Variants in COL5A1 observed in about 807,000 individuals in gnomAD.
COL5A1 encodes the protein collagen type V alpha 1 chain.
COL5A1 carries 16 observed loss-of-function variants against 263.7 expected under a neutral mutation model. The observed-to-expected ratio is 0.06, with a 90% CI of 0.04 to 0.09. The LOEUF is 0.09. COL5A1 is among the 10% of genes least tolerant of loss of function. The probability of loss-of-function intolerance (pLI) is 1.00; values close to 1 mark genes in which losing one functional copy is unlikely to be tolerated. For missense variants in COL5A1, 2,036 were observed against 2,540.5 expected, an observed-to-expected ratio of 0.80 and a Z score of 4.27; for synonymous variants, 1,012 against 1,004.5, an observed-to-expected ratio of 1.01 and a Z score of -0.14.
At position 134,820,228 on chromosome 9, in the gene COL5A1, G is replaced by A. The variant is rs375489070; in HGVS notation, c.4554+5G>A. ...TCCGGTCCTAAGGGAGAACAGGTGC[G>A]TGAGATGGCACTTCTTGCATGTGGG... On this transcript the variant is annotated splice_donor_5th_base_variant and intron_variant, in intron 58 of 65. Coordinates refer to ENST00000371817, the MANE Select transcript of COL5A1 (RefSeq NM_000093.5). The A allele has an allele frequency of 1.4e-5, 22 of 1,609,312 alleles. No homozygotes were observed. The highest frequency in any genetic ancestry group is 5.5e-5 in the South Asian group (5 of 90,984).
In COL5A1 at chr9:134,760,354, C is replaced by CA. The variant is rs1564439985; in HGVS notation, c.1936-1571_1936-1570insA. On this transcript the variant is annotated intron_variant, in intron 18 of 65. Transcript: ENST00000371817. ...ACATGCACACACACCCCCACACACC[C>CA]CCACACATACACACACACCACACAT... 3.1e-3 allele frequency among the ~76,000 whole-genome samples: 305 copies of CA among 99,912 alleles called. 6 individuals carry two copies. The highest frequency in any genetic ancestry group is 8.3e-3 in the East Asian group (22 of 2,642). 65.5% of individuals were successfully genotyped at this position (99,912 alleles called of 152,430 possible).
chr9:134,808,440 G>A (rs1272913679), intron 42 of COL5A1, among the ~76,000 whole-genome samples: 1 of 152,216 alleles, frequency 6.6e-6, no homozygotes, highest in Non-Finnish European at 1.5e-5. Context: ...GAAAAATAGT[G>A]TGTGCGTATG....
At chr9:134,708,425 G>A (rs544969449) in intron 4 of COL5A1, 2 of 408,836 alleles carry the variant, frequency 4.9e-6, no homozygotes, top group Non-Finnish European at 9.7e-6. Context: ...CTCCCGGGGT[G>A]GGGGCTCTGG....
chr9:134,812,766 G>T, intron 48 of COL5A1, 54 bp downstream of exon 48: 1 of 1,154,700 alleles, frequency 8.7e-7, no homozygotes, highest in Non-Finnish European at 1.3e-6. Context: ...AGGAGTGTGT[G>T]TGTGTGTCTG....
rs750154017 is a variant in COL5A1 at position 134,780,184 on chromosome 9, G to T, written c.2430+38G>T. On this transcript the variant is annotated intron_variant, in intron 28 of 65. Transcript: ENST00000371817. The stretch of plus-strand genomic sequence containing the variant: ...TTGCAGCCACGGGGCCCCCTGCTTA[G>T]TCCGGAGCCGAATTCCAGCCAGCGG... 2.5e-6 allele frequency: 4 copies of T among 1,606,468 alleles called. No individual in the cohort carries two copies. The South Asian group carries it at 4.4e-5, about 18-fold the overall frequency.
intron 26 of COL5A1, among the ~76,000 whole-genome samples, chr9:134,773,315 G>A (rs1222543917): frequency 2.6e-5 from 4 of 152,112 alleles, no homozygotes; most frequent in Admixed American, 6.5e-5. Flanking sequence ...GCTGGGCTGC[G>A]AGGGTCCCAT....
chr9:134,828,331 C>T (rs1166465676), intron 63 of COL5A1, among the ~76,000 whole-genome samples: 1 of 152,138 alleles, frequency 6.6e-6, no homozygotes, highest in Non-Finnish European at 1.5e-5. Flanking sequence ...AGGAAGCGGG[C>T]ACAAGTAGTG....
rs1311870938 is a variant in COL5A1, at chr9:134,758,546, G to A, written c.1935+250G>A. On this transcript the variant is annotated intron_variant, in intron 18 of 65. Transcript: ENST00000371817. The surrounding 1 kb of genome is among the most constrained non-coding windows in gnomAD (Gnocchi z 4.1). ...AGTTTGTGACAAGTGAGCCAGATGG[G>A]CCTACCCACCTGAGGCGCGTGAAGG... Among the ~76,000 whole-genome samples the A allele has an allele frequency of 6.6e-6, 1 of 152,142 alleles. No homozygotes were observed. Among genetic ancestry groups the A allele is most frequent in the African/African-American group, 2.4e-5 (1 of 41,428 alleles).
intron 4 of COL5A1, chr9:134,708,819 AAGATCG>A: frequency 2.2e-6 from 1 of 456,736 alleles, no homozygotes; most frequent in South Asian, 1.5e-5. Flanking sequence ...CCAGAATTCC[AAGATCG>A]AGGTGTGGGC....
chr9:134,843,036 C>G lies in COL5A1; in HGVS notation c.*733C>G, dbSNP rs3196378. The G allele has an allele frequency of 6.6e-6, 1 of 151,702 alleles. No homozygotes were observed. Among genetic ancestry groups the G allele is most frequent in the Non-Finnish European group, 1.5e-5 (1 of 67,900 alleles). The allele number at this position is 151,702 out of a possible 1,614,324, so 9.4% of individuals were successfully genotyped here. A position where few individuals can be genotyped will look rare whatever the true frequency, so the allele number is the denominator to read the frequency against. ...TAGAAATAGGAAGTCTCCCCACCCC[C>G]GCCCTGGCCAAGAACGTGCAATAAA... On this transcript the variant is annotated 3_prime_UTR_variant, in exon 66 of 66. Transcript: ENST00000371817.
At chr9:134,817,517 G>A (rs1838803053) in intron 53 of COL5A1, among the ~76,000 whole-genome samples, 1 of 152,178 alleles carries the variant, frequency 6.6e-6, no homozygotes, top group African/African-American at 2.4e-5. Flanking sequence ...GCCTCCCCAC[G>A]TGGCCTGAGA....
At position 134,796,974 on chromosome 9, in the gene COL5A1, G is replaced by A. The variant is rs1246566337; in HGVS notation, c.2898+73G>A. ...AACCCACCTGTCCCCTCCAAAACCC[G>A]CCTGTTTTCTCTGAGGTCTGCTCGG... On this transcript the variant is annotated intron_variant, in intron 36 of 65. Transcript: ENST00000371817. The A allele has an allele frequency of 4.3e-5, 60 of 1,393,634 alleles. No individual in the cohort carries two copies. In the South Asian group the frequency reaches 6.9e-4, roughly 16 times the overall value. The allele number at this position is 1,393,634 out of a possible 1,614,324, so 86.3% of individuals were successfully genotyped here. A position where few individuals can be genotyped will look rare whatever the true frequency, so the allele number is the denominator to read the frequency against.
chr9:134,812,841 T>G (rs1838589599), intron 48 of COL5A1, 129 bp downstream of exon 48: 1 of 733,892 alleles, frequency 1.4e-6, no homozygotes, highest in Non-Finnish European at 2.4e-6. Flanking sequence ...CATACACGTG[T>G]GTGTACCTCT....
chr9:134,696,064 C>A lies in COL5A1; in HGVS notation c.278-3845C>A, dbSNP rs1474203075. Among the ~76,000 whole-genome samples the A allele has an allele frequency of 1.3e-5, 2 of 152,180 alleles. No homozygotes were observed. The highest frequency in any genetic ancestry group is 2.9e-5 in the Non-Finnish European group (2 of 68,004). Reference sequence around the variant, plus strand: ...GGGTCCAGCTGAAACCTCAGCCGCCCCCCAGGTTCCTGGCCCCCTGTCCAA... The same window carrying A: ...GGGTCCAGCTGAAACCTCAGCCGCCACCCAGGTTCCTGGCCCCCTGTCCAA... On this transcript the variant is annotated intron_variant, in intron 2 of 65. Coordinates refer to ENST00000371817, the MANE Select transcript of COL5A1 (RefSeq NM_000093.5). The surrounding 1 kb of genome is among the most constrained non-coding windows in gnomAD (Gnocchi z 4.3).
chr9:134,818,545 G>A lies in COL5A1; in HGVS notation c.4231-111G>A. ...AGAATTAGGGCAACCCCGGATATGG[G>A]GTCACCTGGGACTCCTCCAGAGGTG... On this transcript the variant is annotated intron_variant, in intron 54 of 65. Coordinates refer to ENST00000371817, the MANE Select transcript of COL5A1 (RefSeq NM_000093.5). This position sits in a 1 kb window ranked among gnomAD's most constrained non-coding sequence, Gnocchi z 6.0. 1 of 760,340 alleles carries A rather than the reference G, an allele frequency of 1.3e-6. No homozygotes were observed. Among genetic ancestry groups the A allele is most frequent in the Non-Finnish European group, 2.3e-6 (1 of 439,168 alleles). 47.1% of individuals were successfully genotyped at this position (760,340 alleles called of 1,614,324 possible). A position where few individuals can be genotyped will look rare whatever the true frequency, so the allele number is the denominator to read the frequency against.
chr9:134,798,484 G>A (rs1837996905), intron 37 of COL5A1, 23 bp downstream of exon 37: 2 of 1,613,198 alleles, frequency 1.2e-6, no homozygotes, highest in South Asian at 1.1e-5. Context: ...GGTGCTGGGG[G>A]ACGTGGCTGG....
At position 134,815,611 on chromosome 9, in the gene COL5A1, C is replaced by T. The variant is rs773853291; in HGVS notation, c.4050C>T (p.Pro1350=). The T allele has an allele frequency of 1.4e-5, 22 of 1,613,690 alleles. No homozygotes were observed. The highest frequency in any genetic ancestry group is 5.0e-5 in the Admixed American group (3 of 59,982). Residue 1350 remains proline, a synonymous_variant, in exon 51 of 66, where the codon CCC becomes CCT. Coordinates refer to ENST00000371817, the MANE Select transcript of COL5A1 (RefSeq NM_000093.5). ...PVGFPGDPGP[P]GEPGPAGQDG... ...GTTTTCCTGGAGATCCTGGCCCCCC[C>T]GGAGAGCCTGGCCCCGCGGTAGGTG...
intron 13 of COL5A1, 74 bp from the exon 14 acceptor site, chr9:134,752,515 C>G: frequency 1.7e-6 from 2 of 1,173,326 alleles, no homozygotes; most frequent in Non-Finnish European, 2.6e-6. Flanking sequence ...TGCCACATCT[C>G]ACGGCTCAGG....
intron 4 of COL5A1, among the ~76,000 whole-genome samples, chr9:134,704,612 A>G (rs1833779350): frequency 6.6e-6 from 1 of 152,130 alleles, no homozygotes; most frequent in South Asian, 2.1e-4. Flanking sequence ...TTTGAGCCAG[A>G]GTGGCTGCCA....
Sources: allele counts gnomAD v4.1 joint callset (sites outside exome capture counted in the v4.1 genomes callset), GRCh38; gene constraint gnomAD v4.1.1; non-coding constraint Gnocchi (gnomAD v3.1); transcripts MANE v1.5; gene names NCBI Gene and HGNC (gene_info 2026-07-23, HGNC 2026-07-21).